KIAA1549L: variants seen among roughly 807,000 people sequenced by gnomAD.
The protein encoded by KIAA1549L is KIAA1549 like.
A neutral mutation model predicts 160.7 loss-of-function variants in KIAA1549L; 88 were observed. The observed-to-expected ratio is 0.55, with a 90% CI of 0.46 to 0.65. The LOEUF is 0.65. KIAA1549L is among the 30% of genes least tolerant of loss of function. The probability of loss-of-function intolerance (pLI) is 0.00; values close to 1 mark genes in which losing one functional copy is unlikely to be tolerated. For missense variants in KIAA1549L, 2,258 were observed against 2,437.5 expected (o/e 0.93, Z 1.55); for synonymous variants, 950 against 976.7 (o/e 0.97, Z 0.51).
intron 12 of KIAA1549L, among the ~76,000 whole-genome samples, chr11:33,594,682 G>C (rs556241195): frequency 4.6e-5 from 7 of 152,226 alleles, no homozygotes; most frequent in Non-Finnish European, 8.8e-5. Context: ...TCCAGACTCA[G>C]CATGAGAGAA....
intron 9 of KIAA1549L, among the ~76,000 whole-genome samples, chr11:33,570,886 G>A (rs759168677): frequency 2.6e-5 from 4 of 152,158 alleles, no homozygotes; most frequent in Non-Finnish European, 5.9e-5. Flanking sequence ...ATCCAGTATT[G>A]ATGAGTGTGG....
rs763475566 is a variant in KIAA1549L at position 33,645,954 on chromosome 11, G to A, written c.5678G>A (p.Gly1893Glu). The change falls in exon 17 of 21, where the codon GGG becomes GAG. Residue 1893 changes from glycine to glutamate, a missense_variant. Transcript: ENST00000658780. ...TCGGAGGTGGTGACCAGCGCTCCGG[G>A]GACCATGACGCGGCCCAGGGCCGGG... Reference protein sequence around the residue: ...PYSEVVTSAPGTMTRPRAGVQ... With the variant: ...PYSEVVTSAPETMTRPRAGVQ... The A allele has an allele frequency of 2.5e-6, 4 of 1,612,646 alleles. No homozygotes were observed. Among genetic ancestry groups the A allele is most frequent in the Admixed American group, 3.3e-5 (2 of 59,842 alleles).
At chr11:33,406,339 G>C (rs1342286230) in intron 1 of KIAA1549L, among the ~76,000 whole-genome samples, 1 of 152,200 alleles carries the variant, frequency 6.6e-6, no homozygotes, top group East Asian at 1.9e-4. Context: ...GCTGGGTGGG[G>C]AGGGGGTTCC....
chr11:33,661,879 CAAAAAAAA>C (rs59140753), intron 20 of KIAA1549L, among the ~76,000 whole-genome samples: 14 of 36,326 alleles, frequency 3.9e-4, no homozygotes, highest in African/African-American at 8.4e-4. Flanking sequence ...GACTATGTCT[CAAAAAAAA>C]AAAAAAAAAA....
chr11:33,408,388 T>C (rs1162240804), intron 1 of KIAA1549L, among the ~76,000 whole-genome samples: 3 of 151,690 alleles, frequency 2.0e-5, no homozygotes, highest in South Asian at 4.2e-4. Context: ...ATCAGCAAAA[T>C]TGGATTCAGT....
intron 19 of KIAA1549L, among the ~76,000 whole-genome samples, chr11:33,660,464 C>T (rs1390669706): frequency 6.6e-6 from 1 of 152,138 alleles, no homozygotes. Flanking sequence ...ACTCAGGAGG[C>T]TGACGCAGGA....
intron 1 of KIAA1549L, among the ~76,000 whole-genome samples, chr11:33,540,611 A>T (rs2133169512): frequency 6.6e-6 from 1 of 152,368 alleles, no homozygotes; most frequent in East Asian, 1.9e-4. Context: ...TAACATAGAA[A>T]CACAATTTCC....
intron 15 of KIAA1549L, among the ~76,000 whole-genome samples, chr11:33,617,686 C>G (rs149590742): frequency 2.0e-3 from 302 of 152,304 alleles, no homozygotes; most frequent in African/African-American, 6.9e-3. Context: ...GATGTAATCT[C>G]TAGGAGAGGA....
intron 1 of KIAA1549L, among the ~76,000 whole-genome samples, chr11:33,482,599 ACT>A (rs1239661399): frequency 1.5e-5 from 2 of 136,852 alleles, no homozygotes; most frequent in Non-Finnish European, 3.1e-5. Context: ...AGACTGAGTC[ACT>A]CTGTCGCCCA....
At chr11:33,568,013 G>A in intron 8 of KIAA1549L, 63 bp from the exon 9 acceptor site, 2 of 1,488,620 alleles carry the variant, frequency 1.3e-6, no homozygotes, top group Non-Finnish European at 1.8e-6. Flanking sequence ...AGTGGTGCTT[G>A]TGCTTACTGA....
intron 17 of KIAA1549L, among the ~76,000 whole-genome samples, chr11:33,651,787 C>T (rs1437497529): frequency 1.3e-5 from 2 of 151,716 alleles, no homozygotes; most frequent in African/African-American, 2.4e-5. Flanking sequence ...ACCCACTTCC[C>T]TCATTCCCTC....
intron 1 of KIAA1549L, among the ~76,000 whole-genome samples, chr11:33,430,758 C>G (rs1482381925): frequency 6.6e-6 from 1 of 152,178 alleles, no homozygotes; most frequent in African/African-American, 2.4e-5. Context: ...AGAAGCAGCC[C>G]TGGGAGGGCA....
At chr11:33,380,199 T>C (rs1041829257) in intron 1 of KIAA1549L, among the ~76,000 whole-genome samples, 1 of 152,226 alleles carries the variant, frequency 6.6e-6, no homozygotes, top group African/African-American at 2.4e-5. Flanking sequence ...GGCTGTGTGC[T>C]TCTCCCTCCA....
intron 10 of KIAA1549L, among the ~76,000 whole-genome samples, chr11:33,580,162 G>C (rs1421959392): frequency 2.0e-5 from 3 of 152,228 alleles, no homozygotes; most frequent in Non-Finnish European, 4.4e-5. Context: ...AGGGTCTGGA[G>C]TGAGAGGCAC....
chr11:33,544,500 A>G (rs893516367), intron 2 of KIAA1549L, 164 bp downstream of exon 2: 13 of 809,210 alleles, frequency 1.6e-5, no homozygotes, highest in Non-Finnish European at 2.5e-5. Context: ...TAGTCACCTC[A>G]TTGATCCTGT....
chr11:33,606,699 C>T lies in KIAA1549L; in HGVS notation c.4938C>T (p.Ala1646=), dbSNP rs1174829727. 2.0e-5 allele frequency: 33 copies of T among 1,613,934 alleles called. No homozygotes were observed. The highest frequency in any genetic ancestry group is 3.3e-4 in the Middle Eastern group (2 of 6,062). Residue 1646 remains alanine (A), a synonymous_variant, in exon 14 of 21, where the codon GCC becomes GCT. Transcript: ENST00000658780. ...TATTTGACAACTCCAGCAAGGTGGC[C>T]GCTGAACCCTTTGACACATCTTCTG... The part of the protein sequence containing the change: ...AVLFDNSSKV[A]AEPFDTSSGS...
At chr11:33,393,397 C>G (rs966731956) in intron 1 of KIAA1549L, among the ~76,000 whole-genome samples, 1 of 152,190 alleles carries the variant, frequency 6.6e-6, no homozygotes. Flanking sequence ...CCTGGCCCGT[C>G]TCCTTCATCA....
intron 1 of KIAA1549L, among the ~76,000 whole-genome samples, chr11:33,463,532 G>A (rs1433366825): frequency 6.6e-6 from 1 of 152,068 alleles, no homozygotes; most frequent in East Asian, 1.9e-4. Flanking sequence ...CTTGTACCAA[G>A]GAAAAATAAA....
chr11:33,542,482 C>G lies in KIAA1549L; in HGVS notation c.919C>G (p.Gln307Glu). 14 of 1,613,260 alleles carry G rather than the reference C, an allele frequency of 8.7e-6. No homozygotes were observed. Among genetic ancestry groups the G allele is most frequent in the Non-Finnish European group, 1.1e-5 (13 of 1,179,494 alleles). The change falls in exon 2 of 21, where the codon CAG becomes GAG. Residue 307 changes from glutamine (Q) to glutamate (E), a missense_variant. Gln to Glu is a conservative substitution (Grantham distance 29). This residue lies in a region of KIAA1549L where 540 missense variants were observed against 465.7 expected (regional missense o/e 1.16). Coordinates refer to ENST00000658780, the MANE Select transcript of KIAA1549L (RefSeq NM_012194.3). Reference sequence around the variant, plus strand: ...GGACCACACTGCATCCCAAAATGCCCAGGATCTCATAGGCATCCCTCATCT... The same window carrying G: ...GGACCACACTGCATCCCAAAATGCCGAGGATCTCATAGGCATCCCTCATCT... ...EMDHTASQNA[Q>E]DLIGIPHLGV...
Sources: gnomAD v4.1 joint callset for allele counts (sites outside exome capture counted in the v4.1 genomes callset) on GRCh38, gnomAD v4.1.1 for gene constraint, gnomAD v4.1.1 regional missense constraint, MANE v1.5 for transcripts, NCBI Gene and HGNC (gene_info 2026-07-23, HGNC 2026-07-21) for gene names.